The following C1QBP variants were observed in gnomAD, a reference collection of about 807,000 sequenced individuals.
C1QBP encodes the protein complement C1q binding protein, also known as complement component 1 Q subcomponent-binding protein, mitochondrial.
Under a neutral mutation model 29.4 loss-of-function variants are expected in C1QBP, and 24 were observed. The observed-to-expected ratio is 0.82, with a 90% CI of 0.59 to 1.15. C1QBP has a LOEUF of 1.15. Among genes scored for constraint, C1QBP ranks in the 50% most tolerant of loss-of-function variants. The pLI is 0.00. For synonymous variants in C1QBP, 182 were observed against 149.2 expected (o/e 1.22, Z -1.60); for missense variants, 337 against 355.8 (o/e 0.95, Z 0.43).
In C1QBP at chr17:5,437,989, G is replaced by T. The variant is rs1056571048; in HGVS notation, c.383+134C>A. ...CTGGGGCTTACGAAGTTGTCCAAAT[G>T]AATCCTTCACTCTCTTGAAACCCAT... On this transcript the variant is annotated intron_variant, in intron 2 of 5. Transcript: ENST00000225698. The T allele has an allele frequency of 2.4e-6, 3 of 1,243,964 alleles. No individual in the cohort carries two copies. The African/African-American group carries it at 4.5e-5, about 19-fold the overall frequency. 77.1% of individuals were successfully genotyped at this position (1,243,964 alleles called of 1,614,324 possible).
intron 1 of C1QBP, 108 bp downstream of exon 1, chr17:5,438,730 CCAAT>C: frequency 6.5e-7 from 1 of 1,539,636 alleles, no homozygotes; most frequent in Admixed American, 2.0e-5. Context: ...CCGCTGGTTG[CCAAT>C]CAATGGAAAA....
At chr17:5,434,825 C>T in intron 3 of C1QBP, 48 bp downstream of exon 3, 1 of 1,541,728 alleles carries the variant, frequency 6.5e-7, no homozygotes, top group Non-Finnish European at 9.0e-7. Context: ...AAGCCCCAGG[C>T]ACAGCCTGTC....
At chr17:5,437,726 C>T (rs1916312471) in intron 2 of C1QBP, among the ~76,000 whole-genome samples, 1 of 152,198 alleles carries the variant, frequency 6.6e-6, no homozygotes, top group Admixed American at 6.5e-5. Flanking sequence ...GGGGAGCTGA[C>T]TTAGGTCACA....
intron 1 of C1QBP, 49 bp downstream of exon 1, chr17:5,438,793 T>C: frequency 5.8e-6 from 9 of 1,545,890 alleles, no homozygotes; most frequent in African/African-American, 1.4e-5. Flanking sequence ...CTGGTCTACG[T>C]TTTCCCTCTG....
chr17:5,435,890 A>G, intron 2 of C1QBP, among the ~76,000 whole-genome samples: 1 of 149,000 alleles, frequency 6.7e-6, no homozygotes, highest in Non-Finnish European at 1.5e-5. Context: ...AAAAAAAAAA[A>G]AAAAAATTAG....
rs1361717362 is a variant in C1QBP at position 5,439,076 on chromosome 17, C to G, written c.-3G>C. Reference sequence around the variant, plus strand: ...ACGCAGCGCAGCAGAGGCAGCATCGCGGAAACGACTGCGAACACGTGCAGA... The same window carrying G: ...ACGCAGCGCAGCAGAGGCAGCATCGGGGAAACGACTGCGAACACGTGCAGA... On this transcript the variant is annotated 5_prime_UTR_variant, in exon 1 of 6. Coordinates refer to ENST00000225698, the MANE Select transcript of C1QBP (RefSeq NM_001212.4). 2.6e-6 allele frequency: 4 copies of G among 1,540,428 alleles called. No homozygotes were observed. In the South Asian group the frequency reaches 4.8e-5, roughly 18 times the overall value.
intron 3 of C1QBP, chr17:5,434,065 T>C (rs1417296406): frequency 7.4e-6 from 3 of 403,144 alleles, no homozygotes; most frequent in Admixed American, 7.6e-5. Context: ...CCTCCACCCG[T>C]ACACTGCAAA....
chr17:5,435,149 T>C (rs1916237059), intron 2 of C1QBP, among the ~76,000 whole-genome samples, 183 bp from the exon 3 acceptor site: 1 of 152,218 alleles, frequency 6.6e-6, no homozygotes, highest in African/African-American at 2.4e-5. Flanking sequence ...CATCCAATCC[T>C]GAGTGACTCA....
chr17:5,439,082 C>A lies in C1QBP; in HGVS notation c.-9G>T, dbSNP rs111526859. On this transcript the variant is annotated 5_prime_UTR_variant, in exon 1 of 6. Coordinates refer to ENST00000225698, the MANE Select transcript of C1QBP (RefSeq NM_001212.4). ...CGCAGCAGAGGCAGCATCGCGGAAA[C>A]GACTGCGAACACGTGCAGATGCAAA... 2,569 of 1,540,340 alleles carry A rather than the reference C, an allele frequency of 1.7e-3. 39 individuals carry two copies. In the African/African-American group the frequency reaches 0.032, roughly 19 times the overall value.
Position 5,432,965 on chromosome 17 carries a change from T to C in C1QBP, c.*50A>G. The stretch of plus-strand genomic sequence containing the variant: ...TGTCTAGCTTCAGAGTAGGATTTGT[T>C]CACTGGCCAAAGCCTGCCATGAAAC... On this transcript the variant is annotated 3_prime_UTR_variant, in exon 6 of 6. Transcript: ENST00000225698. The C allele has an allele frequency of 6.4e-7, 1 of 1,569,646 alleles. No individual in the cohort carries two copies. Among genetic ancestry groups the C allele is most frequent in the Non-Finnish European group, 8.6e-7 (1 of 1,158,824 alleles).
chr17:5,433,548 C>G, intron 4 of C1QBP, 121 bp downstream of exon 4: 3 of 1,511,710 alleles, frequency 2.0e-6, no homozygotes, highest in East Asian at 2.3e-5. Context: ...CCTCTCTCCC[C>G]CTGCTGGGCT....
At chr17:5,437,011 G>A (rs942524467) in intron 2 of C1QBP, among the ~76,000 whole-genome samples, 1 of 151,956 alleles carries the variant, frequency 6.6e-6, no homozygotes, top group East Asian at 1.9e-4. Context: ...CGTGGGGTTG[G>A]GGGGGGAAGC....
intron 4 of C1QBP, 25 bp from the exon 5 acceptor site, chr17:5,433,440 C>T: frequency 1.2e-6 from 2 of 1,614,050 alleles, no homozygotes; most frequent in Non-Finnish European, 1.7e-6. Context: ...TATTGGGAAA[C>T]TGAAGGGTTC....
intron 2 of C1QBP, among the ~76,000 whole-genome samples, chr17:5,436,242 A>G (rs1916269072): frequency 6.6e-6 from 1 of 151,042 alleles, no homozygotes; most frequent in Non-Finnish European, 1.5e-5. Flanking sequence ...ATTATTTTTA[A>G]TGGCCCCCAA....
chr17:5,433,517 AC>A, intron 4 of C1QBP, 102 bp from the exon 5 acceptor site: 1 of 1,550,690 alleles, frequency 6.4e-7, no homozygotes, highest in Non-Finnish European at 8.9e-7. Flanking sequence ...TCAGGTTTTA[AC>A]CCTCTTCCCT....
In C1QBP at chr17:5,434,918, A is replaced by G. The variant is rs1475178921; in HGVS notation, c.432T>C (p.Asp144=). Residue 144 remains aspartate (D), a synonymous_variant, in exon 3 of 6, where the codon GAT becomes GAC. Transcript: ENST00000225698. ...NINNSIPPTF[D]GEEEPSQGQK... ...GCCCTTGCGAGGGTTCCTCCTCACCATCAAATGTTGGTGGGATGCTGTTGT... is the reference window on the plus strand; with the variant it reads ...GCCCTTGCGAGGGTTCCTCCTCACCGTCAAATGTTGGTGGGATGCTGTTGT... 1 of 1,613,992 alleles carries G rather than the reference A, an allele frequency of 6.2e-7. No individual in the cohort carries two copies. Among genetic ancestry groups the G allele is most frequent in the African/African-American group, 1.3e-5 (1 of 74,922 alleles).
Position 5,432,880 on chromosome 17 carries a change from T to A in C1QBP, c.*135A>T. On this transcript the variant is annotated 3_prime_UTR_variant, in exon 6 of 6. Coordinates refer to ENST00000225698, the MANE Select transcript of C1QBP (RefSeq NM_001212.4). Reference sequence around the variant, plus strand: ...ATAATAAATGAGAACACAAAACATATAATTTAAATTTGGTATTTTTTCCCC... The same window carrying A: ...ATAATAAATGAGAACACAAAACATAAAATTTAAATTTGGTATTTTTTCCCC... The A allele has an allele frequency of 1.9e-6, 2 of 1,073,290 alleles. No individual in the cohort carries two copies. The highest frequency in any genetic ancestry group is 2.6e-6 in the Non-Finnish European group (2 of 770,832). The allele number at this position is 1,073,290 out of a possible 1,614,324, so 66.5% of individuals were successfully genotyped here.
rs750585932 is a variant in C1QBP at position 5,433,186 on chromosome 17, AG to A, written c.700-23del. The A allele has an allele frequency of 6.8e-6, 11 of 1,607,820 alleles. No homozygotes were observed. In the Admixed American group the frequency reaches 1.2e-4, roughly 18 times the overall value. ...AGGCCTGCAAAGAACAATATTTACT[AG>A]TTAAAAAAAAATCTGTAATGAACAT... On this transcript the variant is annotated intron_variant, in intron 5 of 5. Coordinates refer to ENST00000225698, the MANE Select transcript of C1QBP (RefSeq NM_001212.4).
intron 1 of C1QBP, 184 bp downstream of exon 1, chr17:5,438,657 CA>C: frequency 7.7e-7 from 1 of 1,303,736 alleles, no homozygotes; most frequent in Non-Finnish European, 1.0e-6. Context: ...CACCCCCTAC[CA>C]AAAGAAAACG....
Sources: allele counts gnomAD v4.1 joint callset (sites outside exome capture counted in the v4.1 genomes callset), GRCh38; gene constraint gnomAD v4.1.1; transcripts MANE v1.5; gene names NCBI Gene and HGNC (gene_info 2026-07-23, HGNC 2026-07-21).